ANK1: variants seen among roughly 807,000 people sequenced by gnomAD.
ANK1 encodes the protein ankyrin 1.
In ANK1, 51 loss-of-function variants were observed where a neutral mutation model predicts 210.4. That is an observed-to-expected ratio of 0.24 (90% CI 0.19 to 0.31). The LOEUF is 0.31. Ranked by LOEUF, ANK1 falls within the 10% of genes least tolerant of loss-of-function variation. The pLI is 1.00. For missense variants in ANK1, 2,051 were observed against 2,504.4 expected (o/e 0.82, Z 3.86); for synonymous variants, 967 against 1,025.9 (o/e 0.94, Z 1.10).
At chr8:41,796,876 G>A (rs1848833903) in intron 1 of ANK1, among the ~76,000 whole-genome samples, 1 of 152,040 alleles carries the variant, frequency 6.6e-6, no homozygotes. Flanking sequence ...GGCTGGAGTG[G>A]CCTTGCTAAC....
At chr8:41,819,140 T>A (rs2150787951) in intron 1 of ANK1, among the ~76,000 whole-genome samples, 1 of 152,342 alleles carries the variant, frequency 6.6e-6, no homozygotes, top group South Asian at 2.1e-4. Flanking sequence ...CTGGGTCCCC[T>A]CTCCACAGCA....
intron 1 of ANK1, among the ~76,000 whole-genome samples, chr8:41,766,111 G>A (rs1305805317): frequency 3.3e-5 from 5 of 152,218 alleles, no homozygotes; most frequent in African/African-American, 1.2e-4. Context: ...TCTTGTTGGA[G>A]CAAAATGCAG....
chr8:41,848,872 C>T (rs1183874951), intron 1 of ANK1, among the ~76,000 whole-genome samples: 1 of 152,166 alleles, frequency 6.6e-6, no homozygotes, highest in Non-Finnish European at 1.5e-5. Context: ...AAGCCCATTC[C>T]CCACTGCAGG....
chr8:41,845,194 G>A (rs1158578143), intron 1 of ANK1, among the ~76,000 whole-genome samples: 1 of 152,078 alleles, frequency 6.6e-6, no homozygotes, highest in African/African-American at 2.4e-5. Flanking sequence ...AGACCATCCT[G>A]TCCAACATGG....
chr8:41,711,531 GC>G (rs1826124754), intron 16 of ANK1, among the ~76,000 whole-genome samples: 1 of 152,176 alleles, frequency 6.6e-6, no homozygotes, highest in African/African-American at 2.4e-5. Context: ...TGAGTCACAT[GC>G]CCCCTGGAGG....
intron 1 of ANK1, among the ~76,000 whole-genome samples, chr8:41,853,076 T>C (rs1811557531): frequency 6.6e-6 from 1 of 152,230 alleles, no homozygotes; most frequent in Non-Finnish European, 1.5e-5. Context: ...AATATTTGCT[T>C]ACCCAAAAGG....
intron 1 of ANK1, among the ~76,000 whole-genome samples, chr8:41,889,895 G>A (rs1819102091): frequency 6.6e-6 from 1 of 152,216 alleles, no homozygotes; most frequent in Admixed American, 6.5e-5. Flanking sequence ...GCAGATTACT[G>A]CGCAGGTCTG....
chr8:41,859,914 G>A (rs1812956784), intron 1 of ANK1, among the ~76,000 whole-genome samples: 2 of 152,200 alleles, frequency 1.3e-5, no homozygotes, highest in Non-Finnish European at 2.9e-5. Context: ...CTACAGTCCA[G>A]ATTCTCTAGA....
chr8:41,726,653 G>C (rs1830772951), intron 5 of ANK1, among the ~76,000 whole-genome samples: 1 of 152,122 alleles, frequency 6.6e-6, no homozygotes, highest in Non-Finnish European at 1.5e-5. Context: ...TCCCAAAGCG[G>C]TTGGATTATA....
chr8:41,719,509 C>T, intron 10 of ANK1, 152 bp downstream of exon 10: 1 of 994,492 alleles, frequency 1.0e-6, no homozygotes, highest in Non-Finnish European at 1.6e-6. Flanking sequence ...AGGCCCCCAC[C>T]ATCCAGTGCT....
intron 1 of ANK1, among the ~76,000 whole-genome samples, chr8:41,894,935 C>G (rs1820184686): frequency 1.3e-5 from 2 of 151,986 alleles, no homozygotes; most frequent in African/African-American, 4.8e-5. Flanking sequence ...GGGGTGGTGC[C>G]TTTGTGAAAC....
intron 40 of ANK1, among the ~76,000 whole-genome samples, chr8:41,663,110 C>CTGTGTGTG (rs1443923513): frequency 6.1e-4 from 76 of 124,922 alleles, no homozygotes; most frequent in African/African-American, 2.4e-3. Context: ...CTCTCTCTCT[C>CTGTGTGTG]TCTCTGTGTG....
chr8:41,749,457 C>T (rs925365190), intron 2 of ANK1, among the ~76,000 whole-genome samples: 8 of 151,704 alleles, frequency 5.3e-5, no homozygotes, highest in African/African-American at 1.9e-4. Flanking sequence ...ACCACCATGC[C>T]CGACTAATTT....
At chr8:41,692,529 C>T (rs1819551789) in intron 31 of ANK1, 119 bp downstream of exon 31, 2 of 1,003,316 alleles carry the variant, frequency 2.0e-6, no homozygotes, top group Non-Finnish European at 1.5e-6. Context: ...CAAAGACAGA[C>T]AGCTGTGGAG....
At chr8:41,782,003 G>C (rs1302222121) in intron 1 of ANK1, among the ~76,000 whole-genome samples, 1 of 152,192 alleles carries the variant, frequency 6.6e-6, no homozygotes, top group African/African-American at 2.4e-5. Flanking sequence ...ACTGGGAATG[G>C]AGCTAAGTAA....
At chr8:41,777,611 AAAAC>A (rs200293743) in intron 1 of ANK1, among the ~76,000 whole-genome samples, 3,013 of 151,444 alleles carry the variant, frequency 0.02, 42 homozygotes, top group East Asian at 0.036. Flanking sequence ...ACAATAAATA[AAAAC>A]AAACAAACAA....
At chr8:41,725,542 C>T (rs1830459628) in intron 6 of ANK1, among the ~76,000 whole-genome samples, 1 of 152,208 alleles carries the variant, frequency 6.6e-6, no homozygotes, top group Admixed American at 6.5e-5. Context: ...ACAGGAACCA[C>T]CCCCGCTGCT....
intron 1 of ANK1, among the ~76,000 whole-genome samples, chr8:41,761,721 G>A (rs755866811): frequency 5.3e-5 from 8 of 152,142 alleles, no homozygotes; most frequent in Admixed American, 2.0e-4. Flanking sequence ...ATCTACAGCC[G>A]AAGACCAAAT....
chr8:41,660,373 T>C, intron 42 of ANK1: 1 of 465,098 alleles, frequency 2.2e-6, no homozygotes, highest in South Asian at 1.6e-5. Flanking sequence ...GTGTGAATGG[T>C]AACGGCCTGG....
Sources: allele counts gnomAD v4.1 joint callset (sites outside exome capture counted in the v4.1 genomes callset), GRCh38; gene constraint gnomAD v4.1.1; transcripts MANE v1.5; gene names NCBI Gene and HGNC (gene_info 2026-07-23, HGNC 2026-07-21).